The following DDX31 variants were observed in gnomAD, a reference collection of about 807,000 sequenced individuals.
DDX31 encodes DEAD-box helicase 31.
A neutral mutation model predicts 91.3 loss-of-function variants in DDX31; 70 were observed. The ratio of observed to expected loss-of-function variants is 0.77; its 90% confidence interval spans 0.63 to 0.94. DDX31 has a LOEUF of 0.94. DDX31 is among the 40% of genes least tolerant of loss of function. DDX31 has a pLI of 0.00. For synonymous variants in DDX31, 362 were observed against 350.6 expected, an observed-to-expected ratio of 1.03 and a Z score of -0.36; for missense variants, 902 against 925.0, an observed-to-expected ratio of 0.98 and a Z score of 0.32.
chr9:132,669,758 G>A, intron 1 of DDX31, 102 bp downstream of exon 1: 1 of 1,523,970 alleles, frequency 6.6e-7, no homozygotes, highest in South Asian at 1.2e-5. Flanking sequence ...GCTTAACTCC[G>A]TGAATGACTC....
rs555355759 is a variant in DDX31 at position 132,645,992 on chromosome 9, G to T, written c.1283C>A (p.Thr428Asn). 6.2e-7 allele frequency: 1 copy of T among 1,614,154 alleles called. No homozygotes were observed. Among genetic ancestry groups the T allele is most frequent in the South Asian group, 1.1e-5 (1 of 91,072 alleles). Residue 428 changes from threonine to asparagine, a missense_variant, in exon 13 of 20, where the codon ACC becomes AAC. Transcript: ENST00000372159. Reference sequence around the variant, plus strand: ...CGGCGCCCCTGAGCTGCTCAGCAGGGTCTGTAGGAAGAGGCTGTAGTGGAA... The same window carrying T: ...CGGCGCCCCTGAGCTGCTCAGCAGGTTCTGTAGGAAGAGGCTGTAGTGGAA... ...VEFHYSLFLQTLLSSSGAPAS... is the reference protein window; with the variant it reads ...VEFHYSLFLQNLLSSSGAPAS...
At chr9:132,636,823 T>C (rs900713830) in intron 14 of DDX31, among the ~76,000 whole-genome samples, 2 of 152,050 alleles carry the variant, frequency 1.3e-5, no homozygotes, top group African/African-American at 4.8e-5. Context: ...AGTCCTAGTC[T>C]AGGAAGAGAG....
At chr9:132,663,417 T>G (rs977341783) in intron 1 of DDX31, 2 of 985,278 alleles carry the variant, frequency 2.0e-6, no homozygotes, top group East Asian at 1.1e-4. Flanking sequence ...TCTGCCTGAT[T>G]GCGGATTACA....
At chr9:132,654,894 C>T (rs543831765) in intron 6 of DDX31, among the ~76,000 whole-genome samples, 41 of 142,412 alleles carry the variant, frequency 2.9e-4, no homozygotes, top group South Asian at 4.4e-4. Context: ...TTCAGTGAGC[C>T]GAGATTACGC....
At chr9:132,621,478 C>A (rs149429185) in intron 17 of DDX31, among the ~76,000 whole-genome samples, 1 of 152,166 alleles carries the variant, frequency 6.6e-6, no homozygotes, top group East Asian at 1.9e-4. Flanking sequence ...ATACATTTTA[C>A]AGATGCTTCA....
At chr9:132,634,355 C>T (rs762036832) in intron 14 of DDX31, among the ~76,000 whole-genome samples, 5 of 152,102 alleles carry the variant, frequency 3.3e-5, no homozygotes, top group African/African-American at 2.4e-5. Context: ...GTTCTATCTA[C>T]GCATGCCCAC....
At chr9:132,619,648 T>C (rs747816639) in intron 17 of DDX31, among the ~76,000 whole-genome samples, 1 of 152,222 alleles carries the variant, frequency 6.6e-6, no homozygotes, top group Non-Finnish European at 1.5e-5. Flanking sequence ...GTTTGGTTGA[T>C]GACAGTCTCG....
At chr9:132,642,374 C>G (rs1039226584) in intron 13 of DDX31, among the ~76,000 whole-genome samples, 3 of 152,204 alleles carry the variant, frequency 2.0e-5, no homozygotes, top group Admixed American at 2.0e-4. Context: ...TTACTGCATG[C>G]AGGGCTTCAA....
chr9:132,661,232 A>G lies in DDX31; in HGVS notation c.428T>C (p.Val143Ala), dbSNP rs767718740. 3.1e-6 allele frequency: 5 copies of G among 1,608,812 alleles called. No individual in the cohort carries two copies. The East Asian group carries it at 1.1e-4, about 36-fold the overall frequency. ...CCTGGTCATACTAGACATTTTTAAGACCGTATTTATTGTGGAAATCTAAAA... is the reference window on the plus strand; with the variant it reads ...CCTGGTCATACTAGACATTTTTAAGGCCGTATTTATTGTGGAAATCTAAAA... ...HPHLISTINT[V>A]LKMSSMTSVQ... Residue 143 changes from valine (V) to alanine (A), a missense_variant, in exon 4 of 20, where the codon GTC becomes GCC. Transcript: ENST00000372159.
rs759931065 is a variant in DDX31 at position 132,642,619 on chromosome 9, CAT to C, written c.1381-558_1381-557del. Reference sequence around the variant, plus strand: ...TCCCGAGTCTCCATTTTATGCATAACATAACCAAATATGCAGCTTTCCAAAAA... The same window carrying C: ...TCCCGAGTCTCCATTTTATGCATAACAACCAAATATGCAGCTTTCCAAAAA... On this transcript the variant is annotated intron_variant, in intron 13 of 19. Transcript: ENST00000372159. Among the ~76,000 whole-genome samples the C allele has an allele frequency of 8.6e-5, 13 of 150,854 alleles. No individual in the cohort carries two copies. The East Asian group carries it at 1.4e-3, about 16-fold the overall frequency.
chr9:132,640,065 C>T (rs1429380101), intron 14 of DDX31, among the ~76,000 whole-genome samples: 2 of 152,224 alleles, frequency 1.3e-5, no homozygotes, highest in East Asian at 3.9e-4. Flanking sequence ...TGCATGCCTG[C>T]TCTGTGCTAG....
Position 132,646,088 on chromosome 9 carries a change from G to T in DDX31, c.1204-17C>A. 1 of 1,605,808 alleles carries T rather than the reference G, an allele frequency of 6.2e-7. No individual in the cohort carries two copies. The highest frequency in any genetic ancestry group is 8.5e-7 in the Non-Finnish European group (1 of 1,174,180). On this transcript the variant is annotated splice_polypyrimidine_tract_variant and intron_variant, in intron 12 of 19. Transcript: ENST00000372159. ...TTCCTCAAACTACATCGATACAAAGGGAGGAAAAACCGACATATTTTAAGA... is the reference window on the plus strand; with the variant it reads ...TTCCTCAAACTACATCGATACAAAGTGAGGAAAAACCGACATATTTTAAGA...
chr9:132,624,827 C>G (rs1041523576), intron 17 of DDX31, among the ~76,000 whole-genome samples: 2 of 152,206 alleles, frequency 1.3e-5, no homozygotes, highest in African/African-American at 4.8e-5. Flanking sequence ...TTAAGTCAGG[C>G]TCAGTGAAAC....
intron 19 of DDX31, among the ~76,000 whole-genome samples, chr9:132,603,242 C>T (rs1433773650): frequency 6.6e-6 from 1 of 152,166 alleles, no homozygotes; most frequent in African/African-American, 2.4e-5. Context: ...CAACTGTATC[C>T]CTCATTTTGA....
At chr9:132,608,476 T>G (rs960297005) in intron 19 of DDX31, among the ~76,000 whole-genome samples, 3 of 152,124 alleles carry the variant, frequency 2.0e-5, no homozygotes, top group Non-Finnish European at 2.9e-5. Context: ...CCCTCTCCCA[T>G]CGCATGGACC....
intron 17 of DDX31, among the ~76,000 whole-genome samples, chr9:132,619,266 T>C (rs574321765): frequency 1.1e-4 from 16 of 152,254 alleles, no homozygotes; most frequent in Admixed American, 5.9e-4. Context: ...CAAACATGAG[T>C]GCTTTCTACT....
chr9:132,645,425 G>C (rs1277083065), intron 13 of DDX31, among the ~76,000 whole-genome samples: 1 of 152,158 alleles, frequency 6.6e-6, no homozygotes, highest in Non-Finnish European at 1.5e-5. Flanking sequence ...GCTGTGTCTT[G>C]TTGACAATGA....
At chr9:132,596,395 C>T (rs1464753736) in intron 19 of DDX31, among the ~76,000 whole-genome samples, 1 of 152,194 alleles carries the variant, frequency 6.6e-6, no homozygotes, top group African/African-American at 2.4e-5. Flanking sequence ...AAGACACATT[C>T]AAGCCAACCT....
At chr9:132,633,792 G>C (rs1832935708) in intron 14 of DDX31, among the ~76,000 whole-genome samples, 2 of 152,046 alleles carry the variant, frequency 1.3e-5, no homozygotes, top group African/African-American at 4.8e-5. Context: ...AAGTGTATTG[G>C]CATAATTTAA....
Sources: gnomAD v4.1 joint callset for allele counts (sites outside exome capture counted in the v4.1 genomes callset) on GRCh38, gnomAD v4.1.1 for gene constraint, MANE v1.5 for transcripts, NCBI Gene and HGNC (gene_info 2026-07-23, HGNC 2026-07-21) for gene names.